RCAN3: variants seen among roughly 807,000 people sequenced by gnomAD.
The protein encoded by RCAN3 is calcipressin-3.
A neutral mutation model predicts 21.9 loss-of-function variants in RCAN3; 19 were observed. That is an observed-to-expected ratio of 0.87 (90% CI 0.61 to 1.27). The LOEUF (loss-of-function observed/expected upper bound fraction) is 1.27, where lower values mean the gene tolerates loss of function less well. Ranked by LOEUF, RCAN3 falls within the 50% of genes most tolerant of loss-of-function variation. The pLI is 0.00. For synonymous variants in RCAN3, 114 were observed against 112.3 expected (o/e 1.01, Z -0.09); for missense variants, 240 against 300.1 (o/e 0.80, Z 1.48).
intron 2 of RCAN3, among the ~76,000 whole-genome samples, chr1:24,517,605 G>T (rs1020015833): frequency 2.0e-5 from 3 of 152,118 alleles, no homozygotes; most frequent in Non-Finnish European, 2.9e-5. Flanking sequence ...CTAGTAAATT[G>T]TATTTAATAC....
Position 24,536,655 on chromosome 1 carries a change from A to G in RCAN3, c.*1378A>G, listed in dbSNP as rs955342654. 2.0e-5 allele frequency: 3 copies of G among 152,238 alleles called. No individual in the cohort carries two copies. The highest frequency in any genetic ancestry group is 7.2e-5 in the African/African-American group (3 of 41,440). 9.4% of individuals were successfully genotyped at this position (152,238 alleles called of 1,614,324 possible). A position where few individuals can be genotyped will look rare whatever the true frequency, so the allele number is the denominator to read the frequency against. On this transcript the variant is annotated 3_prime_UTR_variant, in exon 5 of 5. Transcript: ENST00000374395. ...CGGGGCATGTGAAGGAGCTGCAAAC[A>G]TGAGAACTAATGAACCAAGGCGGCT...
Position 24,518,376 on chromosome 1 carries a change from A to G in RCAN3, c.195+3809A>G, listed in dbSNP as rs1220299859. The stretch of plus-strand genomic sequence containing the variant: ...GTTGGAGGGATAATAAATCATAGAA[A>G]AATAAACTGTAAGAAAAATAGGTGG... On this transcript the variant is annotated intron_variant, in intron 2 of 4. Coordinates refer to ENST00000374395, the MANE Select transcript of RCAN3 (RefSeq NM_013441.4). Among the ~76,000 whole-genome samples the G allele has an allele frequency of 2.6e-5, 4 of 152,332 alleles. No homozygotes were observed. The East Asian group carries it at 5.8e-4, about 22-fold the overall frequency.
At chr1:24,502,676 C>T (rs1021220704), upstream of RCAN3, among the ~76,000 whole-genome samples, 1 of 151,686 alleles carries the variant, frequency 6.6e-6, no homozygotes, top group Admixed American at 6.6e-5. Context: ...CAGCCCAAGC[C>T]CCCCACAGGC....
At chr1:24,504,971 A>G (rs1422716270) in intron 1 of RCAN3, among the ~76,000 whole-genome samples, 5 of 152,202 alleles carry the variant, frequency 3.3e-5, no homozygotes, top group Admixed American at 3.3e-4. Context: ...TTATAACAGG[A>G]CCAATTCTAG....
At chr1:24,508,331 C>T (rs1225469029) in intron 1 of RCAN3, among the ~76,000 whole-genome samples, 4 of 152,186 alleles carry the variant, frequency 2.6e-5, no homozygotes, top group African/African-American at 4.8e-5. Context: ...TGGCTTCCCT[C>T]CCAACTTTGG....
At position 24,525,973 on chromosome 1, in the gene RCAN3, C is replaced by T. The variant is rs74060389; in HGVS notation, c.196-5245C>T. 2.2e-3 allele frequency among the ~76,000 whole-genome samples: 342 copies of T among 152,252 alleles called. 1 individual carries two copies. Among genetic ancestry groups the T allele is most frequent in the African/African-American group, 7.9e-3 (329 of 41,532 alleles). On this transcript the variant is annotated intron_variant, in intron 2 of 4. Transcript: ENST00000374395. The surrounding 1 kb of genome is among the most constrained non-coding windows in gnomAD (Gnocchi z 4.1). ...CAAAGCACCTCACAGCTAGAATTCA[C>T]GTATTTCATAACCATATTTATGCTA...
chr1:24,511,419 CATTG>C (rs1647877382), intron 1 of RCAN3, among the ~76,000 whole-genome samples: 1 of 152,262 alleles, frequency 6.6e-6, no homozygotes, highest in Non-Finnish European at 1.5e-5. Context: ...GACGTGTATT[CATTG>C]ATTAAGAACA....
rs542760858 is a variant in RCAN3 at position 24,539,251 on chromosome 1, T to C, written c.*3974T>C. 2 of 149,934 alleles carry C rather than the reference T, an allele frequency of 1.3e-5. No individual in the cohort carries two copies. Among genetic ancestry groups the C allele is most frequent in the East Asian group, 3.9e-4 (2 of 5,134 alleles). 9.3% of individuals were successfully genotyped at this position (149,934 alleles called of 1,614,324 possible). A position where few individuals can be genotyped will look rare whatever the true frequency, so the allele number is the denominator to read the frequency against. On this transcript the variant is annotated 3_prime_UTR_variant, in exon 5 of 5. Coordinates refer to ENST00000374395, the MANE Select transcript of RCAN3 (RefSeq NM_013441.4). ...CTGGCATCAGAAAAAAAAAAAGGCA[T>C]GAGGTGGGAGGATTCTTTTTTCCCT... is the stretch of plus-strand genomic sequence containing the variant.
Position 24,531,784 on chromosome 1 carries a change from T to C in RCAN3, c.369+393T>C, listed in dbSNP as rs901325983. Among the ~76,000 whole-genome samples, 4 of 152,186 alleles carry C rather than the reference T, an allele frequency of 2.6e-5. No individual in the cohort carries two copies. The East Asian group carries it at 7.7e-4, about 29-fold the overall frequency. ...CTGAGAAAATGGTCTCTTAAATCAT[T>C]TCCATAATTCATATGAGGAACCAGG... is the stretch of plus-strand genomic sequence containing the variant. On this transcript the variant is annotated intron_variant, in intron 3 of 4. Coordinates refer to ENST00000374395, the MANE Select transcript of RCAN3 (RefSeq NM_013441.4).
intron 1 of RCAN3, among the ~76,000 whole-genome samples, chr1:24,504,111 T>G (rs1450970367): frequency 6.6e-6 from 1 of 152,220 alleles, no homozygotes; most frequent in Non-Finnish European, 1.5e-5. Context: ...GCTTGAAAAC[T>G]GAGTCTCTTC....
At chr1:24,533,044 C>T (rs1557579743) in intron 3 of RCAN3, 39 bp from the exon 4 acceptor site, 28 of 1,351,948 alleles carry the variant, frequency 2.1e-5, no homozygotes, top group African/African-American at 6.0e-5. Flanking sequence ...AAACATAGCC[C>T]GGTTTGCAAA....
At chr1:24,513,513 T>C (rs900590846) in intron 1 of RCAN3, among the ~76,000 whole-genome samples, 2 of 151,778 alleles carry the variant, frequency 1.3e-5, no homozygotes, top group Non-Finnish European at 2.9e-5. Flanking sequence ...CAAAAAAATA[T>C]AAAAAGTTAG....
chr1:24,535,615 C>T lies in RCAN3; in HGVS notation c.*338C>T. On this transcript the variant is annotated 3_prime_UTR_variant, in exon 5 of 5. Transcript: ENST00000374395. ...CCTCCTGATTCTGTATCACATGAGA[C>T]ACCAAAAACTGGAAATGTAGTCACA... 4.2e-6 allele frequency: 1 copy of T among 238,380 alleles called. No homozygotes were observed. 14.8% of individuals were successfully genotyped at this position (238,380 alleles called of 1,614,324 possible).
chr1:24,531,402 G>A lies in RCAN3; in HGVS notation c.369+11G>A, dbSNP rs201628018. On this transcript the variant is annotated intron_variant, in intron 3 of 4. Coordinates refer to ENST00000374395, the MANE Select transcript of RCAN3 (RefSeq NM_013441.4). Reference sequence around the variant, plus strand: ...CTATATTTTGCACAGGTACTTCACCGTGCAGAGAACACTGTTCTCTAAACT... The same window carrying A: ...CTATATTTTGCACAGGTACTTCACCATGCAGAGAACACTGTTCTCTAAACT... The A allele has an allele frequency of 2.2e-5, 34 of 1,580,128 alleles. 1 individual carries two copies. The highest frequency in any genetic ancestry group is 1.7e-4 in the South Asian group (15 of 86,116).
chr1:24,524,334 T>TGG (rs1649080267), intron 2 of RCAN3, among the ~76,000 whole-genome samples: 1 of 152,246 alleles, frequency 6.6e-6, no homozygotes. Flanking sequence ...TCTTGAATTT[T>TGG]AATTCAGTTA....
At chr1:24,511,259 G>A (rs1472597429) in intron 1 of RCAN3, among the ~76,000 whole-genome samples, 1 of 152,166 alleles carries the variant, frequency 6.6e-6, no homozygotes, top group Non-Finnish European at 1.5e-5. Flanking sequence ...GCTGCAGTGA[G>A]CCAAGATAGC....
chr1:24,540,033 G>A lies in RCAN3; in HGVS notation c.*4756G>A, dbSNP rs1204820436. On this transcript the variant is annotated 3_prime_UTR_variant, in exon 5 of 5. Coordinates refer to ENST00000374395, the MANE Select transcript of RCAN3 (RefSeq NM_013441.4). ...TATGAACCTTGTCCTACAATTCGCT[G>A]AATACTTATTTGTCTTTTAAACTCC... is the stretch of plus-strand genomic sequence containing the variant. The A allele has an allele frequency of 6.6e-6, 1 of 152,212 alleles. No homozygotes were observed. The highest frequency in any genetic ancestry group is 1.5e-5 in the Non-Finnish European group (1 of 68,046). 9.4% of individuals were successfully genotyped at this position (152,212 alleles called of 1,614,324 possible). A position where few individuals can be genotyped will look rare whatever the true frequency, so the allele number is the denominator to read the frequency against.
chr1:24,525,278 G>T lies in RCAN3; in HGVS notation c.196-5940G>T, dbSNP rs1372202755. On this transcript the variant is annotated intron_variant, in intron 2 of 4. Transcript: ENST00000374395. The surrounding 1 kb of genome is among the most constrained non-coding windows in gnomAD (Gnocchi z 4.1). ...TCTTAAGTTCCCAAGAAGGTTGATG[G>T]TTATGTGTTGTTCTTAGCTATTTTA... Among the ~76,000 whole-genome samples, 1 of 152,180 alleles carries T rather than the reference G, an allele frequency of 6.6e-6. No homozygotes were observed. Among genetic ancestry groups the T allele is most frequent in the Non-Finnish European group, 1.5e-5 (1 of 68,042 alleles).
intron 2 of RCAN3, among the ~76,000 whole-genome samples, chr1:24,527,058 G>A (rs1403311614): frequency 6.6e-6 from 1 of 151,818 alleles, no homozygotes; most frequent in African/African-American, 2.4e-5. Context: ...TTTTGAGACA[G>A]TCTTGCTCTG....
Sources: allele counts gnomAD v4.1 joint callset (sites outside exome capture counted in the v4.1 genomes callset), GRCh38; gene constraint gnomAD v4.1.1; non-coding constraint Gnocchi (gnomAD v3.1); transcripts MANE v1.5; gene names NCBI Gene and HGNC (gene_info 2026-07-23, HGNC 2026-07-21).